CNTNAP2: variants seen among roughly 807,000 people sequenced by gnomAD.
CNTNAP2 encodes contactin-associated protein-like 2.
CNTNAP2 carries 98 observed loss-of-function variants against 155.2 expected under a neutral mutation model. That is an observed-to-expected ratio of 0.63 (90% CI 0.54 to 0.75). CNTNAP2 has a LOEUF of 0.75. Among genes scored for constraint, CNTNAP2 ranks in the 30% least tolerant of loss-of-function variants. The pLI is 0.00. For synonymous variants in CNTNAP2, 651 were observed against 631.2 expected, an observed-to-expected ratio of 1.03 and a Z score of -0.47; for missense variants, 1,727 against 1,688.1, an observed-to-expected ratio of 1.02 and a Z score of -0.40.
intron 13 of CNTNAP2, among the ~76,000 whole-genome samples, chr7:147,700,188 G>A (rs1193909870): frequency 1.3e-5 from 2 of 152,088 alleles, no homozygotes; most frequent in African/African-American, 4.8e-5. Flanking sequence ...TATTAAAAAA[G>A]TAAACGTAGA....
intron 1 of CNTNAP2, among the ~76,000 whole-genome samples, chr7:146,753,766 T>C (rs1441270299): frequency 6.6e-6 from 1 of 152,106 alleles, no homozygotes; most frequent in African/African-American, 2.4e-5. Context: ...ACCAGTTCTC[T>C]TGTATTTTTC....
chr7:148,241,187 TC>T (rs2116798548), intron 20 of CNTNAP2, among the ~76,000 whole-genome samples: 2 of 152,334 alleles, frequency 1.3e-5, no homozygotes, highest in South Asian at 4.1e-4. Flanking sequence ...GTCCATCTTT[TC>T]TAATGCAGTT....
chr7:146,932,841 C>T (rs1346473213), intron 3 of CNTNAP2, among the ~76,000 whole-genome samples: 2 of 151,790 alleles, frequency 1.3e-5, no homozygotes, highest in Non-Finnish European at 2.9e-5. Flanking sequence ...TTCACAATTG[C>T]TTCAAAGAAA....
chr7:147,688,684 G>T (rs1363285898), intron 13 of CNTNAP2, among the ~76,000 whole-genome samples: 1 of 152,190 alleles, frequency 6.6e-6, no homozygotes, highest in Non-Finnish European at 1.5e-5. Flanking sequence ...ACCAGGTTGA[G>T]CATGTATCAT....
At chr7:147,242,946 C>T (rs1238495078) in intron 8 of CNTNAP2, among the ~76,000 whole-genome samples, 2 of 126,490 alleles carry the variant, frequency 1.6e-5, no homozygotes, top group Non-Finnish European at 3.2e-5. Flanking sequence ...AATTTGTGGT[C>T]ATTATAAGTA....
At chr7:146,522,799 T>C (rs887955269) in intron 1 of CNTNAP2, among the ~76,000 whole-genome samples, 1 of 150,202 alleles carries the variant, frequency 6.7e-6, no homozygotes, top group Non-Finnish European at 1.5e-5. Context: ...AAATAATATC[T>C]ATTATAATTA....
chr7:146,497,906 CATAT>C (rs148428652), intron 1 of CNTNAP2, among the ~76,000 whole-genome samples: 3 of 148,182 alleles, frequency 2.0e-5, no homozygotes, highest in Non-Finnish European at 3.0e-5. Context: ...TTTATTCAAA[CATAT>C]ATAAACATAT....
At chr7:147,119,455 G>C (rs189290717) in intron 5 of CNTNAP2, among the ~76,000 whole-genome samples, 33 of 152,246 alleles carry the variant, frequency 2.2e-4, no homozygotes, top group Admixed American at 1.6e-3. Flanking sequence ...TATCAGACGT[G>C]TCTACCTGCT....
intron 13 of CNTNAP2, among the ~76,000 whole-genome samples, chr7:147,738,554 T>C (rs1563071916): frequency 6.6e-6 from 1 of 152,256 alleles, no homozygotes; most frequent in African/African-American, 2.4e-5. Context: ...ATTGGCATTT[T>C]TTTAGCAATG....
chr7:147,897,463 T>C (rs773526208), intron 13 of CNTNAP2, among the ~76,000 whole-genome samples: 6 of 152,188 alleles, frequency 3.9e-5, no homozygotes, highest in Non-Finnish European at 7.3e-5. Context: ...TCCTCTAGTT[T>C]CCAAAAACAG....
intron 13 of CNTNAP2, among the ~76,000 whole-genome samples, chr7:147,895,434 T>A (rs2708258): frequency 0.63 from 95,507 of 152,000 alleles, 30,439 homozygotes; most frequent in Middle Eastern, 0.74. Flanking sequence ...ATTTAATTCA[T>A]TTCATATTTG....
At chr7:147,738,216 A>G (rs1796891302) in intron 13 of CNTNAP2, among the ~76,000 whole-genome samples, 1 of 152,188 alleles carries the variant, frequency 6.6e-6, no homozygotes, top group Admixed American at 6.5e-5. Context: ...GATGCTGTGA[A>G]CATTGTTGAA....
chr7:147,009,665 A>G (rs994219889), intron 3 of CNTNAP2, among the ~76,000 whole-genome samples: 1 of 152,182 alleles, frequency 6.6e-6, no homozygotes, highest in Non-Finnish European at 1.5e-5. Context: ...AAAATATAGA[A>G]TAGCTTAACT....
intron 8 of CNTNAP2, among the ~76,000 whole-genome samples, chr7:147,225,011 T>C (rs1803489140): frequency 6.6e-6 from 1 of 152,218 alleles, no homozygotes; most frequent in Non-Finnish European, 1.5e-5. Context: ...GTCCAGTATG[T>C]TGTGAGCACA....
chr7:148,172,173 C>T lies in CNTNAP2; in HGVS notation c.2774-69C>T, dbSNP rs1585166083. ...AGTGTCATCTCCTACCACAGTTGTT[C>T]AAAATATGAAGAATTAAGCAATAGC... On this transcript the variant is annotated intron_variant, in intron 17 of 23. Coordinates refer to ENST00000361727, the MANE Select transcript of CNTNAP2 (RefSeq NM_014141.6). 13 of 1,491,508 alleles carry T rather than the reference C, an allele frequency of 8.7e-6. No homozygotes were observed. The East Asian group carries it at 2.7e-4, about 31-fold the overall frequency. The allele number at this position is 1,491,508 out of a possible 1,614,324, so 92.4% of individuals were successfully genotyped here.
At chr7:146,964,569 A>G (rs1355208450) in intron 3 of CNTNAP2, among the ~76,000 whole-genome samples, 1 of 152,210 alleles carries the variant, frequency 6.6e-6, no homozygotes, top group African/African-American at 2.4e-5. Flanking sequence ...GTGTTAAGAT[A>G]TCTTAAACCT....
At chr7:146,127,361 A>G (rs1287809120) in intron 1 of CNTNAP2, among the ~76,000 whole-genome samples, 1 of 152,308 alleles carries the variant, frequency 6.6e-6, no homozygotes, top group East Asian at 1.9e-4. Context: ...TTGGTTTCTG[A>G]ACTTATAAGG....
intron 13 of CNTNAP2, chr7:147,894,177 G>C (rs190145249): frequency 3.3e-5 from 5 of 152,278 alleles, no homozygotes; most frequent in Admixed American, 3.3e-4. Flanking sequence ...AGAATGTTTT[G>C]AATGGTCTAG....
At chr7:147,539,865 G>T (rs182669849) in intron 11 of CNTNAP2, among the ~76,000 whole-genome samples, 1 of 152,118 alleles carries the variant, frequency 6.6e-6, no homozygotes, top group African/African-American at 2.4e-5. Context: ...TGAGAGGATC[G>T]TATTTCAAGA....
Sources: gnomAD v4.1 joint callset for allele counts (sites outside exome capture counted in the v4.1 genomes callset) on GRCh38, gnomAD v4.1.1 for gene constraint, MANE v1.5 for transcripts, NCBI Gene and HGNC (gene_info 2026-07-23, HGNC 2026-07-21) for gene names.